Variants in SLC4A1AP observed in about 807,000 individuals in gnomAD.
SLC4A1AP encodes kanadaptin.
SLC4A1AP carries 64 observed loss-of-function variants against 89.7 expected under a neutral mutation model. The ratio of observed to expected loss-of-function variants is 0.71; its 90% CI spans 0.58 to 0.88. The LOEUF is 0.88. Among genes scored for constraint, SLC4A1AP ranks in the 40% least tolerant of loss-of-function variants. The pLI is 0.00. For missense variants in SLC4A1AP, 931 were observed against 965.0 expected, an observed-to-expected ratio of 0.96 and a Z score of 0.47; for synonymous variants, 366 against 353.3, an observed-to-expected ratio of 1.04 and a Z score of -0.40.
At chr2:27,675,831 CTG>C (rs1675511978) in intron 6 of SLC4A1AP, 139 bp downstream of exon 6, 8 of 551,242 alleles carry the variant, frequency 1.5e-5, no homozygotes, top group Non-Finnish European at 2.0e-5. Flanking sequence ...CTTTTGTGGT[CTG>C]TTAATTTAAT....
At chr2:27,675,219 A>G (rs531571481) in intron 5 of SLC4A1AP, among the ~76,000 whole-genome samples, 2 of 152,184 alleles carry the variant, frequency 1.3e-5, no homozygotes, top group African/African-American at 2.4e-5. Context: ...TGAAATTGGT[A>G]TCTGTTAAAC....
At chr2:27,663,927 C>G (rs776923308) in exon 1 of SLC4A1AP, 10 of 1,614,154 alleles carry the variant, frequency 6.2e-6, no homozygotes, top group South Asian at 3.3e-5. Context: ...GGCTGACATT[C>G]TCTCTCAGTC....
exon 3 of SLC4A1AP, chr2:27,667,330 A>C: frequency 2.5e-6 from 4 of 1,613,812 alleles, no homozygotes; most frequent in Non-Finnish European, 2.5e-6. Context: ...TCAGCAGGAA[A>C]GGGAGGCCTT....
chr2:27,673,432 C>G (rs1224897503), intron 5 of SLC4A1AP, among the ~76,000 whole-genome samples: 1 of 113,984 alleles, frequency 8.8e-6, no homozygotes, highest in Non-Finnish European at 1.8e-5. Flanking sequence ...CCCTCCCTCC[C>G]TCCCTCCCTC....
chr2:27,665,359 A>G, intron 2 of SLC4A1AP, 64 bp downstream of exon 2: 2 of 1,390,076 alleles, frequency 1.4e-6, no homozygotes, highest in South Asian at 2.9e-5. Context: ...GTACCCTTAA[A>G]TGTTTTTTTA....
chr2:27,683,972 A>G (rs1675662228), intron 9 of SLC4A1AP, among the ~76,000 whole-genome samples: 1 of 151,920 alleles, frequency 6.6e-6, no homozygotes, highest in African/African-American at 2.4e-5. Flanking sequence ...TCCTGACCTC[A>G]TGATTCACCT....
chr2:27,678,545 A>G (rs1393939134), intron 8 of SLC4A1AP, among the ~76,000 whole-genome samples: 2 of 152,042 alleles, frequency 1.3e-5, no homozygotes, highest in African/African-American at 4.8e-5. Flanking sequence ...AAAAAAAATT[A>G]AATTATTAAT....
intron 12 of SLC4A1AP, chr2:27,692,827 C>T (rs904642003): frequency 6.6e-6 from 1 of 152,008 alleles, no homozygotes; most frequent in Non-Finnish European, 1.5e-5. Flanking sequence ...CATTTGGCTT[C>T]CATTTGTATG....
chr2:27,682,800 G>A (rs978069167), intron 9 of SLC4A1AP, among the ~76,000 whole-genome samples: 4 of 152,152 alleles, frequency 2.6e-5, no homozygotes, highest in African/African-American at 9.7e-5. Flanking sequence ...GGGTTTATAG[G>A]CATGAGCCAT....
intron 12 of SLC4A1AP, chr2:27,691,454 G>A (rs1675785833): frequency 6.6e-6 from 1 of 151,854 alleles, no homozygotes; most frequent in Admixed American, 6.6e-5. Flanking sequence ...TCTAGCTAAT[G>A]ATCTATGAAT....
At position 27,672,341 on chromosome 2, in the gene SLC4A1AP, G is replaced by T. The variant is rs113928632; in HGVS notation, c.1345+2954G>T. Among the ~76,000 whole-genome samples, 1,259 of 151,144 alleles carry T rather than the reference G, an allele frequency of 8.3e-3. 14 individuals are homozygous for T. The highest frequency in any genetic ancestry group is 0.029 in the African/African-American group (1,204 of 40,828). ...TCTGTATGTCTTTTCCTTCTTGAGA[G>T]ATTTCTGCACCTTTATCTTTCTGTC... On this transcript the variant is annotated intron_variant, in intron 5 of 13. Transcript: ENST00000613058.
intron 8 of SLC4A1AP, among the ~76,000 whole-genome samples, chr2:27,680,025 C>G (rs1675594219): frequency 6.6e-6 from 1 of 152,090 alleles, no homozygotes; most frequent in Non-Finnish European, 1.5e-5. Context: ...ACCCTGTCCC[C>G]CCAACCCTTC....
chr2:27,686,125 A>G (rs986678966), intron 10 of SLC4A1AP, among the ~76,000 whole-genome samples: 2 of 152,222 alleles, frequency 1.3e-5, no homozygotes, highest in African/African-American at 4.8e-5. Flanking sequence ...CACTGAATGT[A>G]TGGGAATGCA....
chr2:27,688,842 G>T, intron 12 of SLC4A1AP, 75 bp downstream of exon 12: 1 of 1,117,018 alleles, frequency 9.0e-7, no homozygotes, highest in South Asian at 1.4e-5. Flanking sequence ...TGAATCTTTG[G>T]AGACTGACTT....
intron 2 of SLC4A1AP, among the ~76,000 whole-genome samples, chr2:27,665,523 AC>A (rs1333110298): frequency 6.6e-6 from 1 of 152,062 alleles, no homozygotes; most frequent in Non-Finnish European, 1.5e-5. Flanking sequence ...TTTTTAATGC[AC>A]TCTCTTGTTC....
At chr2:27,667,844 ATATG>A (rs1675358622) in intron 3 of SLC4A1AP, among the ~76,000 whole-genome samples, 1 of 151,386 alleles carries the variant, frequency 6.6e-6, no homozygotes, top group African/African-American at 2.4e-5. Context: ...ATATCTATGT[ATATG>A]TATGTATATC....
chr2:27,669,149 G>A (rs887466514), intron 4 of SLC4A1AP, 99 bp from the exon 5 acceptor site: 12 of 1,265,906 alleles, frequency 9.5e-6, no homozygotes, highest in African/African-American at 3.0e-5. Context: ...AGACTGAAAG[G>A]CCATCTAAAA....
At chr2:27,683,408 G>T (rs1346252418) in intron 9 of SLC4A1AP, among the ~76,000 whole-genome samples, 1 of 152,142 alleles carries the variant, frequency 6.6e-6, no homozygotes, top group Non-Finnish European at 1.5e-5. Context: ...TTTGTTCACA[G>T]TTGCCAGCAG....
chr2:27,677,907 G>C (rs897056099), exon 8 of SLC4A1AP: 3 of 1,599,992 alleles, frequency 1.9e-6, no homozygotes, highest in Non-Finnish European at 2.6e-6. Context: ...AGCCAGCAGA[G>C]ATTCCAGAAC....
Sources: allele counts gnomAD v4.1 joint callset (sites outside exome capture counted in the v4.1 genomes callset), GRCh38; gene constraint gnomAD v4.1.1; transcripts MANE v1.5; gene names NCBI Gene and HGNC (gene_info 2026-07-23, HGNC 2026-07-21).